Variants in GALNT10 observed in about 807,000 individuals in gnomAD.
GALNT10 encodes polypeptide N-acetylgalactosaminyltransferase 10, also known as GalNAc transferase 10.
GALNT10 carries 41 observed loss-of-function variants against 75.0 expected under a neutral mutation model. The observed-to-expected ratio is 0.55, with a 90% CI of 0.43 to 0.71. GALNT10 has a LOEUF of 0.71. Ranked by LOEUF, GALNT10 falls within the 30% of genes least tolerant of loss-of-function variation. The probability of loss-of-function intolerance (pLI) is 0.00; values close to 1 mark genes in which losing one functional copy is unlikely to be tolerated. For missense variants in GALNT10, 727 were observed against 818.5 expected, an observed-to-expected ratio of 0.89 and a Z score of 1.36; for synonymous variants, 302 against 313.0, an observed-to-expected ratio of 0.96 and a Z score of 0.37.
intron 1 of GALNT10, among the ~76,000 whole-genome samples, chr5:154,261,368 C>T (rs990401521): frequency 2.0e-5 from 3 of 152,188 alleles, no homozygotes; most frequent in African/African-American, 7.2e-5. Flanking sequence ...CCAGCAACAC[C>T]ACATACTACT....
chr5:154,347,682 T>C (rs1233886489), intron 4 of GALNT10, among the ~76,000 whole-genome samples: 1 of 152,222 alleles, frequency 6.6e-6, no homozygotes, highest in Non-Finnish European at 1.5e-5. Flanking sequence ...AAGGATTTAA[T>C]GCCTTATGTT....
intron 3 of GALNT10, among the ~76,000 whole-genome samples, chr5:154,313,652 C>T (rs979368743): frequency 1.3e-5 from 2 of 152,128 alleles, no homozygotes; most frequent in East Asian, 3.8e-4. Flanking sequence ...CCTTGGCACA[C>T]GTTGTCAAGT....
At chr5:154,268,892 T>C (rs1262483380) in intron 1 of GALNT10, among the ~76,000 whole-genome samples, 1 of 152,122 alleles carries the variant, frequency 6.6e-6, no homozygotes, top group Non-Finnish European at 1.5e-5. Context: ...ATCCCAACAC[T>C]TTGGGAGGCC....
intron 1 of GALNT10, among the ~76,000 whole-genome samples, chr5:154,195,171 C>G (rs1275976586): frequency 6.6e-6 from 1 of 152,214 alleles, no homozygotes; most frequent in Non-Finnish European, 1.5e-5. Context: ...TCAGCTCTTA[C>G]ACAGAGATGG....
At chr5:154,411,862 G>A (rs1046616044) in intron 9 of GALNT10, among the ~76,000 whole-genome samples, 6 of 152,212 alleles carry the variant, frequency 3.9e-5, no homozygotes, top group African/African-American at 1.4e-4. Context: ...GACTAGGAGA[G>A]CCATGAGACC....
rs971107753 is a variant in GALNT10, at chr5:154,417,477, C to A, written c.*505C>A. The A allele has an allele frequency of 6.4e-6, 1 of 156,794 alleles. No individual in the cohort carries two copies. The highest frequency in any genetic ancestry group is 1.4e-5 in the Non-Finnish European group (1 of 70,678). The allele number at this position is 156,794 out of a possible 1,614,324, so 9.7% of individuals were successfully genotyped here. On this transcript the variant is annotated 3_prime_UTR_variant, in exon 12 of 12. Coordinates refer to ENST00000297107, the MANE Select transcript of GALNT10 (RefSeq NM_198321.4). Reference sequence around the variant, plus strand: ...TCCTCTTGGGGCTTTTTAGTTTCTGCCGTCCTGGGGGGAACATTGCAGTTA... The same window carrying A: ...TCCTCTTGGGGCTTTTTAGTTTCTGACGTCCTGGGGGGAACATTGCAGTTA...
chr5:154,256,654 G>A (rs780479611), intron 1 of GALNT10, among the ~76,000 whole-genome samples: 5 of 152,118 alleles, frequency 3.3e-5, no homozygotes, highest in African/African-American at 4.8e-5. Context: ...TTGTGATGAA[G>A]ATATAGTCAA....
intron 1 of GALNT10, among the ~76,000 whole-genome samples, chr5:154,241,159 A>G (rs1418308363): frequency 1.3e-5 from 2 of 152,178 alleles, no homozygotes; most frequent in African/African-American, 4.8e-5. Context: ...CATGGAAAGA[A>G]TGTGCTATTG....
chr5:154,347,401 T>C (rs994110699), intron 4 of GALNT10, among the ~76,000 whole-genome samples: 1 of 151,614 alleles, frequency 6.6e-6, no homozygotes, highest in Non-Finnish European at 1.5e-5. Flanking sequence ...TCTTGCTCTG[T>C]CATTCAGGTT....
chr5:154,352,035 G>GT lies in GALNT10; in HGVS notation c.568+22298dup, dbSNP rs1448080184. Among the ~76,000 whole-genome samples the GT allele has an allele frequency of 1.3e-5, 2 of 152,228 alleles. No individual in the cohort carries two copies. The highest frequency in any genetic ancestry group is 1.5e-5 in the Non-Finnish European group (1 of 68,040). On this transcript the variant is annotated intron_variant, in intron 4 of 11. Coordinates refer to ENST00000297107, the MANE Select transcript of GALNT10 (RefSeq NM_198321.4). The surrounding 1 kb of genome is among the most constrained non-coding windows in gnomAD (Gnocchi z 4.4). ...TGAAAATGAGAATCAGAAAGGCTGT[G>GT]TGCCGTGTACAGGGATGCACAGCCA...
At chr5:154,353,615 G>C (rs1008849778) in intron 4 of GALNT10, among the ~76,000 whole-genome samples, 1 of 152,230 alleles carries the variant, frequency 6.6e-6, no homozygotes, top group Non-Finnish European at 1.5e-5. Context: ...AGACTTTAGG[G>C]ATACCCTGAT....
At chr5:154,312,607 A>G (rs182203862) in intron 3 of GALNT10, among the ~76,000 whole-genome samples, 94 of 152,358 alleles carry the variant, frequency 6.2e-4, no homozygotes, top group South Asian at 2.1e-3. Flanking sequence ...TTCCATAGGA[A>G]TATAATTTAG....
intron 4 of GALNT10, among the ~76,000 whole-genome samples, chr5:154,370,848 G>A (rs1755552649): frequency 6.6e-6 from 1 of 152,224 alleles, no homozygotes; most frequent in Admixed American, 6.5e-5. Flanking sequence ...GCGAGCCCTA[G>A]CCAGTGCAGT....
At chr5:154,272,770 T>G (rs932486277) in intron 1 of GALNT10, among the ~76,000 whole-genome samples, 6 of 152,202 alleles carry the variant, frequency 3.9e-5, no homozygotes, top group Non-Finnish European at 5.9e-5. Flanking sequence ...GCCTGGAACA[T>G]AGAGAGTCCA....
intron 7 of GALNT10, among the ~76,000 whole-genome samples, chr5:154,394,872 A>G (rs1203577927): frequency 1.3e-5 from 2 of 152,246 alleles, no homozygotes; most frequent in East Asian, 3.8e-4. Flanking sequence ...GATGATGGAA[A>G]TATGCTCTGA....
At position 154,299,524 on chromosome 5, in the gene GALNT10, A is replaced by G. The variant is rs546024399; in HGVS notation, c.401+1445A>G. On this transcript the variant is annotated intron_variant, in intron 3 of 11. Coordinates refer to ENST00000297107, the MANE Select transcript of GALNT10 (RefSeq NM_198321.4). ...AATCTGTGGTTTTAATCACTGAACC[A>G]TAAAAGTCTTTCCACCTATAAGATC... Among the ~76,000 whole-genome samples, 13 of 152,366 alleles carry G rather than the reference A, an allele frequency of 8.5e-5. No individual in the cohort carries two copies. In the South Asian group the frequency reaches 2.5e-3, roughly 29 times the overall value.
In GALNT10 at chr5:154,412,071, T is replaced by G. The variant is rs1582020428; in HGVS notation, c.1387-818T>G. The stretch of plus-strand genomic sequence containing the variant: ...CCATTGGCTGGGATCCATCCATGGG[T>G]GGACACAGTGGTGGATTCAGAATAC... On this transcript the variant is annotated intron_variant, in intron 9 of 11. Transcript: ENST00000297107. The surrounding 1 kb of genome is among the most constrained non-coding windows in gnomAD (Gnocchi z 4.2). Among the ~76,000 whole-genome samples the G allele has an allele frequency of 6.6e-6, 1 of 152,100 alleles. No homozygotes were observed. The highest frequency in any genetic ancestry group is 2.1e-4 in the South Asian group (1 of 4,814).
chr5:154,340,812 T>C (rs1420090396), intron 4 of GALNT10, among the ~76,000 whole-genome samples: 1 of 152,200 alleles, frequency 6.6e-6, no homozygotes, highest in Non-Finnish European at 1.5e-5. Flanking sequence ...GGAGGCACCT[T>C]TAGAGCTGTT....
chr5:154,266,392 TTTAA>T (rs1753774887), intron 1 of GALNT10, among the ~76,000 whole-genome samples: 1 of 152,104 alleles, frequency 6.6e-6, no homozygotes, highest in African/African-American at 2.4e-5. Flanking sequence ...GGAGGATTTC[TTTAA>T]TTAAATTTTT....
Sources: gnomAD v4.1 joint callset for allele counts (sites outside exome capture counted in the v4.1 genomes callset) on GRCh38, gnomAD v4.1.1 for gene constraint, Gnocchi (gnomAD v3.1) non-coding constraint, MANE v1.5 for transcripts, NCBI Gene and HGNC (gene_info 2026-07-23, HGNC 2026-07-21) for gene names.